The following MLLT3 variants were observed in gnomAD, a reference collection of about 807,000 sequenced individuals.
MLLT3 encodes MLLT3 super elongation complex subunit.
Under a neutral mutation model 53.2 loss-of-function variants are expected in MLLT3, and 4 were observed. The ratio of observed to expected loss-of-function variants is 0.08; its 90% confidence interval spans 0.04 to 0.17. The LOEUF is 0.17. MLLT3 is among the 10% of genes least tolerant of loss of function. The pLI, the probability that MLLT3 is intolerant of heterozygous loss-of-function variation, is 1.00. For synonymous variants in MLLT3, 283 were observed against 230.6 expected, an observed-to-expected ratio of 1.23 and a Z score of -2.06; for missense variants, 569 against 684.0, an observed-to-expected ratio of 0.83 and a Z score of 1.87.
At chr9:20,454,137 C>T (rs542980684) in intron 3 of MLLT3, among the ~76,000 whole-genome samples, 2 of 152,172 alleles carry the variant, frequency 1.3e-5, no homozygotes, top group African/African-American at 2.4e-5. Flanking sequence ...AAATCCCTCA[C>T]AAAATGAATA....
At chr9:20,603,012 T>C (rs571531876) in intron 2 of MLLT3, among the ~76,000 whole-genome samples, 1 of 152,232 alleles carries the variant, frequency 6.6e-6, no homozygotes, top group Non-Finnish European at 1.5e-5. Flanking sequence ...TCTCCCTCTA[T>C]ATATGAAAGA....
At chr9:20,514,497 G>A (rs1563795853) in intron 2 of MLLT3, among the ~76,000 whole-genome samples, 1 of 151,934 alleles carries the variant, frequency 6.6e-6, no homozygotes. Flanking sequence ...TACCATATAG[G>A]GGTTTTTATT....
intron 2 of MLLT3, among the ~76,000 whole-genome samples, chr9:20,484,251 T>C (rs1824747572): frequency 6.6e-6 from 1 of 152,168 alleles, no homozygotes; most frequent in African/African-American, 2.4e-5. Flanking sequence ...AGTATCACTA[T>C]ATTTTCCATT....
chr9:20,407,884 G>C (rs910141783), intron 5 of MLLT3, among the ~76,000 whole-genome samples: 1 of 152,128 alleles, frequency 6.6e-6, no homozygotes, highest in African/African-American at 2.4e-5. Flanking sequence ...TGGCTATAAG[G>C]CATCTCTGTG....
intron 2 of MLLT3, among the ~76,000 whole-genome samples, chr9:20,527,660 G>C (rs557782517): frequency 4.6e-5 from 7 of 152,238 alleles, no homozygotes; most frequent in Admixed American, 2.6e-4. Context: ...GTAGCTCCTG[G>C]GAACTGAAGA....
chr9:20,519,191 A>T (rs1405477426), intron 2 of MLLT3, among the ~76,000 whole-genome samples: 1 of 152,228 alleles, frequency 6.6e-6, no homozygotes, highest in East Asian at 1.9e-4. Context: ...AAAAGATATT[A>T]GTAGAAAAAC....
chr9:20,597,110 A>G (rs1307554996), intron 2 of MLLT3, among the ~76,000 whole-genome samples: 1 of 152,022 alleles, frequency 6.6e-6, no homozygotes, highest in East Asian at 1.9e-4. Flanking sequence ...AGTACGTAGA[A>G]ATACTATCTT....
At chr9:20,462,298 C>A (rs1287462092) in intron 2 of MLLT3, among the ~76,000 whole-genome samples, 2 of 152,192 alleles carry the variant, frequency 1.3e-5, no homozygotes, top group African/African-American at 4.8e-5. Context: ...AGTTTTCCCT[C>A]TTTTGTGTTT....
At chr9:20,457,449 A>C (rs1006919938) in intron 2 of MLLT3, among the ~76,000 whole-genome samples, 1 of 151,710 alleles carries the variant, frequency 6.6e-6, no homozygotes, top group Non-Finnish European at 1.5e-5. Context: ...GGGTTTCTCC[A>C]TGTTGGTCAT....
At chr9:20,413,267 A>G (rs1025665022) in intron 5 of MLLT3, among the ~76,000 whole-genome samples, 3 of 152,244 alleles carry the variant, frequency 2.0e-5, no homozygotes, top group Admixed American at 6.5e-5. Flanking sequence ...CCAGCCTTCT[A>G]TCAACATAAA....
intron 5 of MLLT3, among the ~76,000 whole-genome samples, chr9:20,385,314 A>C (rs1211512281): frequency 1.3e-5 from 2 of 152,134 alleles, no homozygotes; most frequent in East Asian, 1.9e-4. Context: ...CGGAAAGATA[A>C]TGTAAGCAAT....
At chr9:20,588,576 T>G (rs1478042825) in intron 2 of MLLT3, among the ~76,000 whole-genome samples, 3 of 152,142 alleles carry the variant, frequency 2.0e-5, no homozygotes, top group African/African-American at 7.2e-5. Context: ...TAAGTTGGAT[T>G]CCTAGGTATT....
chr9:20,571,449 T>C (rs1006667013), intron 2 of MLLT3, among the ~76,000 whole-genome samples: 5 of 152,246 alleles, frequency 3.3e-5, no homozygotes, highest in African/African-American at 1.2e-4. Flanking sequence ...TTTATGTATT[T>C]TTTTACTATA....
chr9:20,583,470 C>T (rs569588855), intron 2 of MLLT3, among the ~76,000 whole-genome samples: 1 of 152,184 alleles, frequency 6.6e-6, no homozygotes, highest in Non-Finnish European at 1.5e-5. Context: ...GGCTCCGACC[C>T]CACATTTCTC....
intron 4 of MLLT3, among the ~76,000 whole-genome samples, chr9:20,417,416 T>TG (rs1305170078): frequency 1.3e-5 from 2 of 149,052 alleles, no homozygotes; most frequent in Non-Finnish European, 3.0e-5. Flanking sequence ...ATAATATACA[T>TG]GGGGGTCTTG....
intron 2 of MLLT3, among the ~76,000 whole-genome samples, chr9:20,571,355 T>A (rs562345875): frequency 6.6e-6 from 1 of 152,174 alleles, no homozygotes; most frequent in African/African-American, 2.4e-5. Flanking sequence ...TAGGAGAAAA[T>A]ATTTGCAAAA....
rs140867513 is a variant in MLLT3 at position 20,480,989 on chromosome 9, C to T, written c.194-24203G>A. On this transcript the variant is annotated intron_variant, in intron 2 of 10. Coordinates refer to ENST00000380338, the MANE Select transcript of MLLT3 (RefSeq NM_004529.4). ...TAATTTTAAAAGTAATGGCGAAGCA[C>T]GCACACACACAAAAAAGAGTCAGGA... Among the ~76,000 whole-genome samples the T allele has an allele frequency of 3.4e-4, 51 of 152,084 alleles. No homozygotes were observed. In the South Asian group the frequency reaches 7.1e-3, roughly 21 times the overall value.
At chr9:20,359,123 C>A (rs1184257417) in intron 8 of MLLT3, among the ~76,000 whole-genome samples, 1 of 89,118 alleles carries the variant, frequency 1.1e-5, no homozygotes, top group Non-Finnish European at 2.0e-5. Flanking sequence ...CCAGCCTGGG[C>A]AACAAGAGCA....
chr9:20,573,444 T>G (rs1278240811), intron 2 of MLLT3, among the ~76,000 whole-genome samples: 2 of 152,126 alleles, frequency 1.3e-5, no homozygotes, highest in African/African-American at 2.4e-5. Context: ...CCTCCCAAAG[T>G]GCTGGGATTA....
Sources: gnomAD v4.1 joint callset for allele counts (sites outside exome capture counted in the v4.1 genomes callset) on GRCh38, gnomAD v4.1.1 for gene constraint, MANE v1.5 for transcripts, NCBI Gene and HGNC (gene_info 2026-07-23, HGNC 2026-07-21) for gene names.